GLCE: variants seen among roughly 807,000 people sequenced by gnomAD.
The protein encoded by GLCE is D-glucuronyl C5-epimerase.
GLCE carries 19 observed loss-of-function variants against 47.9 expected under a neutral mutation model. The observed-to-expected ratio is 0.40, with a 90% CI of 0.28 to 0.58. The LOEUF (loss-of-function observed/expected upper bound fraction) is 0.58, where lower values mean the gene tolerates loss of function less well. Ranked by LOEUF, GLCE falls within the 20% of genes least tolerant of loss-of-function variation. GLCE has a pLI of 0.48. For missense variants in GLCE, 556 were observed against 743.3 expected (o/e 0.75, Z 2.93); for synonymous variants, 245 against 263.4 (o/e 0.93, Z 0.68).
intron 1 of GLCE, among the ~76,000 whole-genome samples, chr15:69,183,403 G>A (rs1323690718): frequency 6.6e-6 from 1 of 152,164 alleles, no homozygotes; most frequent in East Asian, 1.9e-4. Flanking sequence ...AAGAATAGAA[G>A]CTTTTAGTCT....
At chr15:69,165,862 A>T (rs1298964843) in intron 1 of GLCE, among the ~76,000 whole-genome samples, 1 of 152,146 alleles carries the variant, frequency 6.6e-6, no homozygotes, top group Non-Finnish European at 1.5e-5. Flanking sequence ...CTGTTTTCCT[A>T]AAATTTGGGA....
At chr15:69,166,417 T>C (rs963924443) in intron 1 of GLCE, among the ~76,000 whole-genome samples, 2 of 152,200 alleles carry the variant, frequency 1.3e-5, no homozygotes, top group African/African-American at 4.8e-5. Context: ...AAGTAGGTTG[T>C]AAAGTTTATC....
chr15:69,192,438 G>T (rs966370520), intron 1 of GLCE, among the ~76,000 whole-genome samples: 5 of 151,548 alleles, frequency 3.3e-5, no homozygotes, highest in Non-Finnish European at 7.4e-5. Flanking sequence ...CATTGTGTTT[G>T]GGTTTTCTCT....
At chr15:69,255,146 G>A (rs1191958590) in intron 2 of GLCE, among the ~76,000 whole-genome samples, 1 of 152,202 alleles carries the variant, frequency 6.6e-6, no homozygotes, top group African/African-American at 2.4e-5. Flanking sequence ...ATGGATGTTG[G>A]TGTTTACCTT....
chr15:69,241,103 C>T (rs368321636), intron 2 of GLCE, among the ~76,000 whole-genome samples: 307 of 152,168 alleles, frequency 2.0e-3, no homozygotes, highest in African/African-American at 7.0e-3. Flanking sequence ...ATCAGGCATC[C>T]AGGAAGGGAG....
At position 69,271,816 on chromosome 15, in the gene GLCE, A is replaced by C. The variant is rs2053170549; in HGVS notation, c.*2572A>C. 6.6e-6 allele frequency: 1 copy of C among 152,654 alleles called. No individual in the cohort carries two copies. Among genetic ancestry groups the C allele is most frequent in the South Asian group, 2.1e-4 (1 of 4,824 alleles). 9.5% of individuals were successfully genotyped at this position (152,654 alleles called of 1,614,324 possible). A position where few individuals can be genotyped will look rare whatever the true frequency, so the allele number is the denominator to read the frequency against. Reference sequence around the variant, plus strand: ...GCTTCATCCACGAACCATCCAGCGCACAGAAGCAAGTGCAAAAATGACACA... The same window carrying C: ...GCTTCATCCACGAACCATCCAGCGCCCAGAAGCAAGTGCAAAAATGACACA... On this transcript the variant is annotated 3_prime_UTR_variant, in exon 5 of 5. Transcript: ENST00000261858.
At position 69,212,488 on chromosome 15, in the gene GLCE, G is replaced by T. The variant is rs541953214; in HGVS notation, c.-14+2082G>T. Reference sequence around the variant, plus strand: ...TCAAATACTGAGTCATTGCCAATTTGATAGTATCATTGAAATTAAATATGT... The same window carrying T: ...TCAAATACTGAGTCATTGCCAATTTTATAGTATCATTGAAATTAAATATGT... On this transcript the variant is annotated intron_variant, in intron 2 of 4. Coordinates refer to ENST00000261858, the MANE Select transcript of GLCE (RefSeq NM_015554.3). Among the ~76,000 whole-genome samples the T allele has an allele frequency of 2.0e-5, 3 of 152,028 alleles. No homozygotes were observed. The South Asian group carries it at 6.2e-4, about 32-fold the overall frequency.
intron 2 of GLCE, among the ~76,000 whole-genome samples, chr15:69,249,800 AT>A (rs2052811724): frequency 6.6e-6 from 1 of 152,196 alleles, no homozygotes; most frequent in Non-Finnish European, 1.5e-5. Flanking sequence ...AGGAAAATAA[AT>A]CTGAAAAGTA....
At chr15:69,214,567 C>G (rs781417182) in intron 2 of GLCE, among the ~76,000 whole-genome samples, 17 of 152,118 alleles carry the variant, frequency 1.1e-4, no homozygotes, top group Non-Finnish European at 2.2e-4. Context: ...ATTACCCAGT[C>G]TTGGGCAGTT....
At chr15:69,227,223 A>G (rs549165790) in intron 2 of GLCE, among the ~76,000 whole-genome samples, 23 of 152,314 alleles carry the variant, frequency 1.5e-4, no homozygotes, top group African/African-American at 5.5e-4. Flanking sequence ...CTCTAAGATT[A>G]TGGGGAATAT....
At chr15:69,183,391 G>A (rs2051777983) in intron 1 of GLCE, among the ~76,000 whole-genome samples, 2 of 152,200 alleles carry the variant, frequency 1.3e-5, no homozygotes, top group African/African-American at 4.8e-5. Context: ...CTAGGATTGA[G>A]AAAGAATAGA....
intron 2 of GLCE, among the ~76,000 whole-genome samples, chr15:69,221,974 T>C (rs1161937093): frequency 6.6e-6 from 1 of 152,216 alleles, no homozygotes; most frequent in Admixed American, 6.5e-5. Context: ...TTGAAGTTGC[T>C]GTCCTTCAAA....
At chr15:69,182,725 A>G (rs1189589102) in intron 1 of GLCE, among the ~76,000 whole-genome samples, 1 of 152,030 alleles carries the variant, frequency 6.6e-6, no homozygotes, top group African/African-American at 2.4e-5. Flanking sequence ...TAAAAATGGT[A>G]TTTCGAGGCT....
At chr15:69,217,272 C>T (rs2052320207) in intron 2 of GLCE, among the ~76,000 whole-genome samples, 1 of 151,744 alleles carries the variant, frequency 6.6e-6, no homozygotes, top group African/African-American at 2.4e-5. Context: ...CCTTCTCAGG[C>T]CATATTTGTA....
chr15:69,188,505 T>A (rs2051864178), intron 1 of GLCE, among the ~76,000 whole-genome samples: 1 of 152,192 alleles, frequency 6.6e-6, no homozygotes. Context: ...CTTAAATGTT[T>A]GTTAGAATTG....
intron 2 of GLCE, among the ~76,000 whole-genome samples, chr15:69,244,050 C>G (rs1473708171): frequency 6.6e-6 from 1 of 152,194 alleles, no homozygotes; most frequent in Non-Finnish European, 1.5e-5. Context: ...AGTACATTTT[C>G]AAAGCCTCAC....
chr15:69,219,194 T>C (rs1360875010), intron 2 of GLCE, among the ~76,000 whole-genome samples: 2 of 152,058 alleles, frequency 1.3e-5, no homozygotes, highest in African/African-American at 4.8e-5. Context: ...TAAATTTATC[T>C]ATAGTCCAGT....
chr15:69,250,908 G>A (rs932704363), intron 2 of GLCE, among the ~76,000 whole-genome samples: 4 of 150,664 alleles, frequency 2.7e-5, no homozygotes, highest in Non-Finnish European at 4.4e-5. Context: ...GTGCTGTTCT[G>A]TAACCTATAT....
intron 2 of GLCE, among the ~76,000 whole-genome samples, chr15:69,215,743 C>T (rs1343826537): frequency 6.6e-6 from 1 of 152,140 alleles, no homozygotes; most frequent in Non-Finnish European, 1.5e-5. Context: ...GTTCTGCATC[C>T]TTGTCAGCAC....
Sources: gnomAD v4.1 joint callset for allele counts (sites outside exome capture counted in the v4.1 genomes callset) on GRCh38, gnomAD v4.1.1 for gene constraint, MANE v1.5 for transcripts, NCBI Gene and HGNC (gene_info 2026-07-23, HGNC 2026-07-21) for gene names.